Variants in RFX3 observed in about 807,000 individuals in gnomAD.
RFX3 encodes the protein regulatory factor X3.
RFX3 carries 14 observed loss-of-function variants against 98.6 expected under a neutral mutation model. That is an observed-to-expected ratio of 0.14 (90% confidence interval 0.09 to 0.22). RFX3 has a LOEUF of 0.22. Ranked by LOEUF, RFX3 falls within the 10% of genes least tolerant of loss-of-function variation. The probability of loss-of-function intolerance (pLI) is 1.00; values close to 1 mark genes in which losing one functional copy is unlikely to be tolerated. For missense variants in RFX3, 639 were observed against 926.9 expected (o/e 0.69, Z 4.03); for synonymous variants, 383 against 328.4 (o/e 1.17, Z -1.80).
At chr9:3,478,716 G>GTACA (rs1230877625) in intron 1 of RFX3, among the ~76,000 whole-genome samples, 1 of 152,100 alleles carries the variant, frequency 6.6e-6, no homozygotes, top group Non-Finnish European at 1.5e-5. Context: ...CTTGCACATT[G>GTACA]TACAGCCTTT....
At chr9:3,385,093 G>A (rs188450714) in intron 2 of RFX3, among the ~76,000 whole-genome samples, 55 of 152,258 alleles carry the variant, frequency 3.6e-4, no homozygotes, top group Admixed American at 2.0e-3. Context: ...GAATGAGGGT[G>A]TATTTTTAGC....
At chr9:3,465,714 G>A (rs867776803) in intron 1 of RFX3, among the ~76,000 whole-genome samples, 2 of 152,014 alleles carry the variant, frequency 1.3e-5, no homozygotes, top group Admixed American at 6.6e-5. Context: ...ATACAAAGAA[G>A]AGAAGGTATG....
At chr9:3,247,115 T>C (rs745934573) in intron 15 of RFX3, 25 of 985,222 alleles carry the variant, frequency 2.5e-5, no homozygotes, top group Middle Eastern at 1.0e-3. Flanking sequence ...CCGCCTTGGG[T>C]AATTTGTCAC....
chr9:3,245,152 G>C (rs796816807), intron 15 of RFX3, among the ~76,000 whole-genome samples: 2 of 152,194 alleles, frequency 1.3e-5, no homozygotes, highest in South Asian at 4.1e-4. Context: ...CTTCTAGAAT[G>C]ACAAGTAAAA....
chr9:3,427,345 A>G (rs1009007131), intron 1 of RFX3, among the ~76,000 whole-genome samples: 2 of 142,338 alleles, frequency 1.4e-5, no homozygotes, highest in African/African-American at 5.2e-5. Context: ...ATATTGTATT[A>G]CATAATACTA....
chr9:3,434,294 C>G (rs1030191385), intron 1 of RFX3, among the ~76,000 whole-genome samples: 1 of 152,096 alleles, frequency 6.6e-6, no homozygotes, highest in East Asian at 1.9e-4. Flanking sequence ...ACGCTTCTAA[C>G]AGAATATACC....
intron 1 of RFX3, among the ~76,000 whole-genome samples, chr9:3,398,194 A>C (rs1220708789): frequency 6.6e-6 from 1 of 152,194 alleles, no homozygotes; most frequent in Non-Finnish European, 1.5e-5. Flanking sequence ...AAAATGTTTG[A>C]GAATGACACT....
At chr9:3,290,037 T>G (rs1257106787) in intron 6 of RFX3, among the ~76,000 whole-genome samples, 1 of 152,146 alleles carries the variant, frequency 6.6e-6, no homozygotes, top group African/African-American at 2.4e-5. Context: ...GTTTCTATGG[T>G]AGAAAGAATG....
chr9:3,408,612 TCA>T lies in RFX3; in HGVS notation c.-8-13018_-8-13017del, dbSNP rs373554738. ...GTCTCTGTCTCTCTCTCTCTCTCTCTCACACACACACACACACACACACGCAC... is the reference window on the plus strand; with the variant it reads ...GTCTCTGTCTCTCTCTCTCTCTCTCTCACACACACACACACACACACGCAC... On this transcript the variant is annotated intron_variant, in intron 1 of 16. Coordinates refer to ENST00000617270, the MANE Select transcript of RFX3 (RefSeq NM_001282116.2). Among the ~76,000 whole-genome samples, 819 of 147,458 alleles carry T rather than the reference TCA, an allele frequency of 5.6e-3. 3 individuals carry two copies. Among genetic ancestry groups the T allele is most frequent in the African/African-American group, 0.018 (721 of 40,608 alleles).
At position 3,356,973 on chromosome 9, in the gene RFX3, GCACA is replaced by G. The variant is rs200669491; in HGVS notation, c.118-10213_118-10210del. Among the ~76,000 whole-genome samples the G allele has an allele frequency of 5.0e-3, 647 of 128,986 alleles. 3 individuals are homozygous for G. Among genetic ancestry groups the G allele is most frequent in the African/African-American group, 0.013 (413 of 30,638 alleles). The allele number at this position is 128,986 out of a possible 152,430, so 84.6% of individuals were successfully genotyped here. A position where few individuals can be genotyped will look rare whatever the true frequency, so the allele number is the denominator to read the frequency against. On this transcript the variant is annotated intron_variant, in intron 2 of 16. Coordinates refer to ENST00000617270, the MANE Select transcript of RFX3 (RefSeq NM_001282116.2). ...CACACATACACACATGCACACACACGCACACACACACACACACACACACACTCAG... is the reference window on the plus strand; with the variant it reads ...CACACATACACACATGCACACACACGCACACACACACACACACACACTCAG...
chr9:3,337,967 C>A (rs993987771), intron 3 of RFX3, among the ~76,000 whole-genome samples: 3 of 152,046 alleles, frequency 2.0e-5, no homozygotes, highest in Non-Finnish European at 4.4e-5. Flanking sequence ...GTGCCTGGAC[C>A]GCATGCACTA....
At chr9:3,323,353 C>T (rs1169128261) in intron 4 of RFX3, among the ~76,000 whole-genome samples, 1 of 152,134 alleles carries the variant, frequency 6.6e-6, no homozygotes, top group African/African-American at 2.4e-5. Flanking sequence ...ATATGTCACT[C>T]TTAGACTACA....
intron 7 of RFX3, among the ~76,000 whole-genome samples, chr9:3,279,246 TTC>T (rs1243389856): frequency 1.3e-5 from 2 of 151,776 alleles, no homozygotes; most frequent in African/African-American, 4.8e-5. Flanking sequence ...TCCTTATTGA[TTC>T]ATTCCAAGTT....
chr9:3,314,855 A>T (rs1451404034), intron 4 of RFX3, among the ~76,000 whole-genome samples: 1 of 152,216 alleles, frequency 6.6e-6, no homozygotes, highest in Non-Finnish European at 1.5e-5. Context: ...CCAAAATAGG[A>T]GCACCCAGAT....
chr9:3,466,730 A>C (rs1848255217), intron 1 of RFX3, among the ~76,000 whole-genome samples: 1 of 152,052 alleles, frequency 6.6e-6, no homozygotes, highest in African/African-American at 2.4e-5. Flanking sequence ...TGTAAATGTC[A>C]AGAAATGAGT....
At chr9:3,428,134 T>C (rs1844294677) in intron 1 of RFX3, among the ~76,000 whole-genome samples, 1 of 152,184 alleles carries the variant, frequency 6.6e-6, no homozygotes, top group African/African-American at 2.4e-5. Context: ...TGTTCAGTTT[T>C]ATCACTGTTT....
rs1817234709 is a variant in RFX3 at position 3,219,492 on chromosome 9, A to T, written c.*5550T>A. 6.6e-6 allele frequency: 1 copy of T among 151,950 alleles called. No individual in the cohort carries two copies. The highest frequency in any genetic ancestry group is 1.5e-5 in the Non-Finnish European group (1 of 67,974). The allele number at this position is 151,950 out of a possible 1,614,324, so 9.4% of individuals were successfully genotyped here. The stretch of plus-strand genomic sequence containing the variant: ...GGAAAGAGGGGAGAAAAAGAATCAA[A>T]CCAGAACCAAATAAAAGAAGAGACA... On this transcript the variant is annotated 3_prime_UTR_variant, in exon 17 of 17. Transcript: ENST00000617270.
chr9:3,512,463 GC>G (rs1817749492), intron 1 of RFX3, among the ~76,000 whole-genome samples: 1 of 151,878 alleles, frequency 6.6e-6, no homozygotes, highest in African/African-American at 2.4e-5. Context: ...ACTGTAGGCT[GC>G]TTTAGATATC....
intron 1 of RFX3, among the ~76,000 whole-genome samples, chr9:3,461,960 G>T (rs532698418): frequency 6.6e-6 from 1 of 151,932 alleles, no homozygotes; most frequent in Non-Finnish European, 1.5e-5. Context: ...TCTTATTTCA[G>T]TCACAAGAAA....
Sources: allele counts gnomAD v4.1 joint callset (sites outside exome capture counted in the v4.1 genomes callset), GRCh38; gene constraint gnomAD v4.1.1; transcripts MANE v1.5; gene names NCBI Gene and HGNC (gene_info 2026-07-23, HGNC 2026-07-21).